The following SND1 variants were observed in gnomAD, a reference collection of about 807,000 sequenced individuals.
SND1 encodes the protein staphylococcal nuclease domain-containing protein 1.
Under a neutral mutation model 121.7 loss-of-function variants are expected in SND1, and 38 were observed. The ratio of observed to expected loss-of-function variants is 0.31; its 90% CI spans 0.24 to 0.41. The LOEUF is 0.41. Ranked by LOEUF, SND1 falls within the 10% of genes least tolerant of loss-of-function variation. The pLI, the probability that SND1 is intolerant of heterozygous loss-of-function variation, is 1.00. For synonymous variants in SND1, 401 were observed against 447.4 expected, an observed-to-expected ratio of 0.90 and a Z score of 1.31; for missense variants, 868 against 1,184.6, an observed-to-expected ratio of 0.73 and a Z score of 3.92.
At chr7:127,683,369 C>G (rs904646024) in intron 1 of SND1, among the ~76,000 whole-genome samples, 1 of 152,128 alleles carries the variant, frequency 6.6e-6, no homozygotes, top group Non-Finnish European at 1.5e-5. Context: ...ATGTGCACCA[C>G]CACACCCAGC....
At chr7:127,693,782 G>A (rs1795962553) in intron 2 of SND1, among the ~76,000 whole-genome samples, 1 of 151,978 alleles carries the variant, frequency 6.6e-6, no homozygotes, top group Non-Finnish European at 1.5e-5. Flanking sequence ...TACGCTCCTT[G>A]AACACCTACC....
intron 16 of SND1, chr7:128,028,975 G>T: frequency 1.2e-6 from 2 of 1,610,008 alleles, no homozygotes; most frequent in Non-Finnish European, 8.5e-7. Context: ...GTACTCCGCT[G>T]CTGGTGCCGC....
chr7:128,003,539 A>C (rs1802886827), intron 16 of SND1, among the ~76,000 whole-genome samples: 1 of 152,072 alleles, frequency 6.6e-6, no homozygotes, highest in South Asian at 2.1e-4. Flanking sequence ...TCCATTCCCC[A>C]CCAGCAGCCT....
intron 2 of SND1, 111 bp from the exon 3 acceptor site, chr7:127,694,717 C>A: frequency 7.7e-7 from 1 of 1,302,154 alleles, no homozygotes; most frequent in Non-Finnish European, 1.1e-6. Flanking sequence ...AGCGCAGGGC[C>A]AGGACCATGG....
intron 12 of SND1, among the ~76,000 whole-genome samples, chr7:127,874,188 C>T (rs1051399336): frequency 2.0e-5 from 3 of 152,130 alleles, no homozygotes; most frequent in African/African-American, 7.2e-5. Context: ...TCTGCCCCAC[C>T]TGCCAGGGAC....
At chr7:127,822,253 C>T (rs1338783694) in intron 11 of SND1, among the ~76,000 whole-genome samples, 2 of 152,146 alleles carry the variant, frequency 1.3e-5, no homozygotes, top group African/African-American at 2.4e-5. Context: ...TACACATATA[C>T]TAGCATCATA....
At chr7:127,787,372 C>T (rs1797831542) in intron 10 of SND1, among the ~76,000 whole-genome samples, 1 of 152,160 alleles carries the variant, frequency 6.6e-6, no homozygotes, top group African/African-American at 2.4e-5. Context: ...GTACCTGGTT[C>T]TACAGCTGTG....
chr7:127,963,999 G>A (rs1563072586), intron 15 of SND1, among the ~76,000 whole-genome samples: 1 of 151,880 alleles, frequency 6.6e-6, no homozygotes, highest in African/African-American at 2.4e-5. Context: ...TTTCTCTGAT[G>A]GCCAGTGATG....
intron 3 of SND1, among the ~76,000 whole-genome samples, chr7:127,695,415 G>C (rs1795989118): frequency 6.6e-6 from 1 of 152,164 alleles, no homozygotes; most frequent in Non-Finnish European, 1.5e-5. Flanking sequence ...AATGGAAGGA[G>C]CACAGATGTC....
chr7:128,086,909 G>A (rs1010760894), intron 20 of SND1, 29 bp from the exon 21 acceptor site: 1 of 1,561,660 alleles, frequency 6.4e-7, no homozygotes, highest in Non-Finnish European at 8.8e-7. Context: ...GCGAGTATGT[G>A]ACATGTTGGC....
At chr7:127,728,901 T>C (rs534279737) in intron 10 of SND1, among the ~76,000 whole-genome samples, 45 of 152,008 alleles carry the variant, frequency 3.0e-4, no homozygotes, top group African/African-American at 1.1e-3. Context: ...CGGAGGGAGG[T>C]TTTACACTCC....
intron 12 of SND1, among the ~76,000 whole-genome samples, chr7:127,865,475 T>C (rs1312141243): frequency 2.0e-5 from 3 of 152,246 alleles, no homozygotes; most frequent in African/African-American, 7.2e-5. Context: ...ATGTGTTCTT[T>C]GTAAGTGCCA....
intron 12 of SND1, among the ~76,000 whole-genome samples, chr7:127,851,506 A>G (rs1029135511): frequency 5.3e-5 from 8 of 152,228 alleles, no homozygotes; most frequent in South Asian, 2.1e-4. Flanking sequence ...CAGCTGGCCA[A>G]TCATGCATAT....
chr7:127,825,692 C>T (rs1384377934), intron 11 of SND1, among the ~76,000 whole-genome samples: 1 of 152,118 alleles, frequency 6.6e-6, no homozygotes, highest in Non-Finnish European at 1.5e-5. Context: ...AGGCGTGAGC[C>T]ACCGCACCTG....
chr7:127,692,829 C>G (rs1021765905), intron 2 of SND1, among the ~76,000 whole-genome samples: 15 of 152,330 alleles, frequency 9.8e-5, no homozygotes, highest in Non-Finnish European at 1.8e-4. Flanking sequence ...TGACCGGTAA[C>G]TAACCAGCTG....
At chr7:128,032,553 C>T (rs962638335) in intron 16 of SND1, among the ~76,000 whole-genome samples, 11 of 151,868 alleles carry the variant, frequency 7.2e-5, no homozygotes, top group Non-Finnish European at 1.6e-4. Context: ...CGGCCCGCAC[C>T]CGGGGCCCCC....
At chr7:127,660,999 C>T (rs1795299728) in intron 1 of SND1, among the ~76,000 whole-genome samples, 1 of 152,102 alleles carries the variant, frequency 6.6e-6, no homozygotes, top group Admixed American at 6.5e-5. Flanking sequence ...CTGGGGCTGG[C>T]ATGTGAGATC....
At chr7:127,849,954 T>G (rs1055214306) in intron 12 of SND1, among the ~76,000 whole-genome samples, 4 of 152,198 alleles carry the variant, frequency 2.6e-5, no homozygotes, top group African/African-American at 9.6e-5. Flanking sequence ...AAGGCCATCT[T>G]TATGAATATC....
intron 10 of SND1, among the ~76,000 whole-genome samples, chr7:127,775,093 A>G (rs559234039): frequency 4.7e-4 from 71 of 152,342 alleles, no homozygotes; most frequent in African/African-American, 1.7e-3. Context: ...CACAGAGGGA[A>G]GAGAGCATGT....
Sources: allele counts gnomAD v4.1 joint callset (sites outside exome capture counted in the v4.1 genomes callset), GRCh38; gene constraint gnomAD v4.1.1; transcripts MANE v1.5; gene names NCBI Gene and HGNC (gene_info 2026-07-23, HGNC 2026-07-21).